Variants in CTNNA2 observed in about 807,000 individuals in gnomAD.
CTNNA2 encodes catenin alpha-2.
Under a neutral mutation model 101.0 loss-of-function variants are expected in CTNNA2, and 42 were observed. The observed-to-expected ratio is 0.42, with a 90% CI of 0.32 to 0.54. CTNNA2 has a LOEUF of 0.54. Ranked by LOEUF, CTNNA2 falls within the 20% of genes least tolerant of loss-of-function variation. CTNNA2 has a pLI of 0.14. For synonymous variants in CTNNA2, 450 were observed against 456.4 expected (o/e 0.99, Z 0.18); for missense variants, 871 against 1,223.1 (o/e 0.71, Z 4.29).
intron 6 of CTNNA2, among the ~76,000 whole-genome samples, chr2:79,887,181 A>G (rs541205948): frequency 6.6e-6 from 1 of 152,236 alleles, no homozygotes; most frequent in Non-Finnish European, 1.5e-5. Flanking sequence ...GAGTTTGAAG[A>G]AGCAAAGCTG....
chr2:79,839,037 A>T (rs1454932426), intron 3 of CTNNA2, among the ~76,000 whole-genome samples: 3 of 152,024 alleles, frequency 2.0e-5, no homozygotes, highest in African/African-American at 7.2e-5. Context: ...ATATTAATTT[A>T]TTAATCTTTT....
At chr2:80,065,598 C>A (rs193034514) in intron 7 of CTNNA2, among the ~76,000 whole-genome samples, 1 of 151,994 alleles carries the variant, frequency 6.6e-6, no homozygotes, top group Non-Finnish European at 1.5e-5. Flanking sequence ...GTGATCTGCC[C>A]GCCTCGGCCT....
chr2:80,195,351 G>GA (rs1277584963), intron 7 of CTNNA2, among the ~76,000 whole-genome samples: 13 of 151,756 alleles, frequency 8.6e-5, no homozygotes, highest in East Asian at 1.9e-4. Flanking sequence ...CATGCCTGGG[G>GA]AAAAAAAATC....
chr2:80,450,822 G>T (rs1449633156), intron 9 of CTNNA2, among the ~76,000 whole-genome samples: 1 of 152,106 alleles, frequency 6.6e-6, no homozygotes, highest in Non-Finnish European at 1.5e-5. Flanking sequence ...ATTAAAATTT[G>T]ATATAGTGCA....
intron 2 of CTNNA2, among the ~76,000 whole-genome samples, chr2:79,655,444 T>C (rs1681542401): frequency 6.6e-6 from 1 of 152,194 alleles, no homozygotes; most frequent in Admixed American, 6.5e-5. Context: ...AATATTACAC[T>C]TATAGAGCCT....
chr2:79,668,246 CAAAA>C (rs34348942), intron 2 of CTNNA2, among the ~76,000 whole-genome samples: 2 of 69,308 alleles, frequency 2.9e-5, no homozygotes, highest in Non-Finnish European at 5.7e-5. Flanking sequence ...GACTCCGTCT[CAAAA>C]AAAAAAAAAA....
chr2:80,405,584 G>T (rs1045573241), intron 8 of CTNNA2, among the ~76,000 whole-genome samples: 5 of 152,074 alleles, frequency 3.3e-5, no homozygotes, highest in African/African-American at 1.2e-4. Context: ...TCTGTGTCCA[G>T]CTCCATGCCA....
At chr2:79,875,448 A>G (rs1318301419) in intron 6 of CTNNA2, among the ~76,000 whole-genome samples, 1 of 152,248 alleles carries the variant, frequency 6.6e-6, no homozygotes, top group Non-Finnish European at 1.5e-5. Flanking sequence ...AGGAATTCAT[A>G]GAAGAAAAAT....
intron 14 of CTNNA2, among the ~76,000 whole-genome samples, chr2:80,587,762 C>T (rs62151965): frequency 0.066 from 10,042 of 152,134 alleles, 595 homozygotes; most frequent in African/African-American, 0.16. Flanking sequence ...CAAACTGTAC[C>T]CTCTTGGTCT....
At chr2:79,948,229 G>C (rs1469079532) in intron 7 of CTNNA2, among the ~76,000 whole-genome samples, 7 of 152,208 alleles carry the variant, frequency 4.6e-5, no homozygotes, top group Non-Finnish European at 8.8e-5. Flanking sequence ...CCCTAGCACA[G>C]AGCTGCATAC....
chr2:79,683,122 C>T (rs892728256), intron 2 of CTNNA2, among the ~76,000 whole-genome samples: 1 of 152,082 alleles, frequency 6.6e-6, no homozygotes, highest in Non-Finnish European at 1.5e-5. Context: ...AACTAAGAAC[C>T]CTCTGTGGGA....
intron 12 of CTNNA2, among the ~76,000 whole-genome samples, chr2:80,571,282 G>A (rs1221872554): frequency 3.9e-5 from 6 of 152,164 alleles, no homozygotes; most frequent in African/African-American, 1.4e-4. Flanking sequence ...TTTGATCACA[G>A]TCATAATGTC....
At chr2:79,731,979 G>A (rs1687227695) in intron 2 of CTNNA2, among the ~76,000 whole-genome samples, 1 of 151,572 alleles carries the variant, frequency 6.6e-6, no homozygotes, top group Admixed American at 6.6e-5. Flanking sequence ...AAGTCCTCAA[G>A]TAACATTAAA....
chr2:80,180,125 T>C (rs998714874), intron 7 of CTNNA2, among the ~76,000 whole-genome samples: 3 of 152,146 alleles, frequency 2.0e-5, no homozygotes, highest in Non-Finnish European at 4.4e-5. Flanking sequence ...ACAGTTACCC[T>C]GGTAAAAGGC....
intron 10 of CTNNA2, 41 bp downstream of exon 10, chr2:80,545,115 C>G (rs760054320): frequency 6.3e-7 from 1 of 1,584,856 alleles, no homozygotes; most frequent in South Asian, 1.1e-5. Flanking sequence ...TGTCAGTGAC[C>G]TTCTCCACTC....
At chr2:79,346,163 T>A (rs911630854) in intron 3 of CTNNA2, among the ~76,000 whole-genome samples, 1 of 152,150 alleles carries the variant, frequency 6.6e-6, no homozygotes, top group Non-Finnish European at 1.5e-5. Context: ...ACAGAAAACA[T>A]TTTGCTTTGT....
At chr2:79,794,409 T>C (rs1329167781) in intron 3 of CTNNA2, among the ~76,000 whole-genome samples, 1 of 152,200 alleles carries the variant, frequency 6.6e-6, no homozygotes, top group Non-Finnish European at 1.5e-5. Context: ...ATTTATTTAT[T>C]CATTTATTAC....
At position 80,100,181 on chromosome 2, in the gene CTNNA2, G is replaced by A. The variant is rs372478914; in HGVS notation, c.1056+190384G>A. 3.0e-3 allele frequency among the ~76,000 whole-genome samples: 449 copies of A among 152,128 alleles called. 2 individuals carry two copies. Among genetic ancestry groups the A allele is most frequent in the African/African-American group, 0.01 (423 of 41,504 alleles). ...ACTCCTGACCTCAGGTGATCCACCC[G>A]CCTTAGCCTCCCAAAGTGCTGGGAT... On this transcript the variant is annotated intron_variant, in intron 7 of 18. Transcript: ENST00000402739.
At chr2:79,468,725 G>T (rs541901514) in intron 4 of CTNNA2, among the ~76,000 whole-genome samples, 4 of 152,152 alleles carry the variant, frequency 2.6e-5, no homozygotes, top group East Asian at 1.9e-4. Flanking sequence ...ATTAAGAAAC[G>T]CACTCAAAAC....
Sources: gnomAD v4.1 joint callset for allele counts (sites outside exome capture counted in the v4.1 genomes callset) on GRCh38, gnomAD v4.1.1 for gene constraint, MANE v1.5 for transcripts, NCBI Gene and HGNC (gene_info 2026-07-23, HGNC 2026-07-21) for gene names.